PDE1C: variants seen among roughly 807,000 people sequenced by gnomAD.
The protein encoded by PDE1C is dual specificity calcium/calmodulin-dependent 3',5'-cyclic nucleotide phosphodiesterase 1C.
A neutral mutation model predicts 93.1 loss-of-function variants in PDE1C; 62 were observed. The ratio of observed to expected loss-of-function variants is 0.67; its 90% CI spans 0.54 to 0.82. PDE1C has a LOEUF of 0.82. PDE1C is among the 40% of genes least tolerant of loss of function. PDE1C has a pLI of 0.00. For synonymous variants in PDE1C, 325 were observed against 310.1 expected, an observed-to-expected ratio of 1.05 and a Z score of -0.50; for missense variants, 742 against 884.6, an observed-to-expected ratio of 0.84 and a Z score of 2.04.
intron 2 of PDE1C, among the ~76,000 whole-genome samples, chr7:31,985,124 T>C (rs1452970125): frequency 2.0e-5 from 3 of 152,090 alleles, no homozygotes; most frequent in Non-Finnish European, 2.9e-5. Flanking sequence ...GTGCATACCA[T>C]GAAAGGTTTA....
At chr7:32,021,028 G>A (rs1241670936) in intron 2 of PDE1C, among the ~76,000 whole-genome samples, 2 of 152,104 alleles carry the variant, frequency 1.3e-5, no homozygotes, top group African/African-American at 4.8e-5. Flanking sequence ...AGCTACATAA[G>A]TGACTTTTAG....
chr7:32,205,612 C>T (rs1805385714), intron 2 of PDE1C, among the ~76,000 whole-genome samples: 1 of 152,126 alleles, frequency 6.6e-6, no homozygotes, highest in Admixed American at 6.5e-5. Context: ...ACCCCCCAGC[C>T]AACCCGTTTG....
At chr7:31,966,222 T>C (rs1035831049) in intron 2 of PDE1C, among the ~76,000 whole-genome samples, 2 of 152,080 alleles carry the variant, frequency 1.3e-5, no homozygotes, top group African/African-American at 4.8e-5. Flanking sequence ...CCATCTCACG[T>C]GCAGAGACAC....
intron 4 of PDE1C, 121 bp from the exon 5 acceptor site, chr7:31,878,157 A>G: frequency 4.8e-6 from 3 of 621,272 alleles, no homozygotes; most frequent in Non-Finnish European, 8.2e-6. Context: ...CAAAGAACCT[A>G]AAATTCATTT....
At chr7:32,297,263 T>C (rs1266110196) in intron 1 of PDE1C, among the ~76,000 whole-genome samples, 3 of 152,142 alleles carry the variant, frequency 2.0e-5, no homozygotes, top group Non-Finnish European at 4.4e-5. Flanking sequence ...TCTTGGTCTC[T>C]TCTTGGCCCT....
At chr7:32,299,168 G>A (rs1197612664) in exon 1 of PDE1C, 5 of 998,946 alleles carry the variant, frequency 5.0e-6, no homozygotes, top group Non-Finnish European at 6.0e-6. Context: ...TGGTGGCTGG[G>A]GGGATTTGGG....
chr7:31,955,387 G>A (rs1192821116), intron 2 of PDE1C, among the ~76,000 whole-genome samples: 1 of 152,070 alleles, frequency 6.6e-6, no homozygotes. Context: ...AGGGAAATAA[G>A]GTTAAGGTTT....
chr7:32,376,552 C>T (rs1318330901), intron 1 of PDE1C, among the ~76,000 whole-genome samples: 1 of 152,220 alleles, frequency 6.6e-6, no homozygotes, highest in Non-Finnish European at 1.5e-5. Flanking sequence ...ACTCCTCTAC[C>T]TTTTCTCTCC....
chr7:32,106,459 A>T (rs1470703086), intron 3 of PDE1C, among the ~76,000 whole-genome samples: 1 of 152,188 alleles, frequency 6.6e-6, no homozygotes, highest in Non-Finnish European at 1.5e-5. Flanking sequence ...AGAGATAGAG[A>T]GAAGTGGGAA....
intron 2 of PDE1C, among the ~76,000 whole-genome samples, chr7:32,033,029 T>G (rs1157861118): frequency 6.6e-6 from 1 of 151,988 alleles, no homozygotes; most frequent in Non-Finnish European, 1.5e-5. Context: ...ATTCAGAAGG[T>G]GACTTCTCAA....
chr7:32,311,319 AG>A (rs1293261387), intron 1 of PDE1C, among the ~76,000 whole-genome samples: 1 of 152,248 alleles, frequency 6.6e-6, no homozygotes, highest in African/African-American at 2.4e-5. Context: ...GAATTCTACC[AG>A]AGGTACAAGG....
the PDE1C span, among the ~76,000 whole-genome samples, chr7:31,735,500 A>G: frequency 4.6e-5 from 7 of 151,954 alleles, no homozygotes; most frequent in Admixed American, 1.3e-4. Context: ...CAAACCATAC[A>G]GAAGGCATCT....
chr7:32,051,402 C>T, intron 2 of PDE1C, 152 bp downstream of exon 2: 2 of 716,632 alleles, frequency 2.8e-6, no homozygotes, highest in Non-Finnish European at 4.9e-6. Flanking sequence ...TTTTTAATTA[C>T]AGCAGCAGTC....
At chr7:31,897,194 G>A (rs1799423009) in intron 2 of PDE1C, among the ~76,000 whole-genome samples, 1 of 152,192 alleles carries the variant, frequency 6.6e-6, no homozygotes, top group Admixed American at 6.5e-5. Flanking sequence ...GCTCTGGAGT[G>A]CTGTCACAGG....
At chr7:32,054,831 G>GA (rs1793854559) in intron 1 of PDE1C, among the ~76,000 whole-genome samples, 1 of 152,312 alleles carries the variant, frequency 6.6e-6, no homozygotes, top group East Asian at 1.9e-4. Flanking sequence ...AAGCACAAGA[G>GA]AAAATGCAAC....
At chr7:32,112,340 A>G (rs1278104183) in intron 3 of PDE1C, among the ~76,000 whole-genome samples, 2 of 151,868 alleles carry the variant, frequency 1.3e-5, no homozygotes, top group Non-Finnish European at 2.9e-5. Context: ...AAAATTTATT[A>G]TGTGAACGAT....
intron 12 of PDE1C, among the ~76,000 whole-genome samples, chr7:31,826,700 T>C (rs551773961): frequency 4.6e-4 from 70 of 152,282 alleles, no homozygotes; most frequent in African/African-American, 1.6e-3. Context: ...AGTTCTGATA[T>C]TCATCATCTC....
At chr7:32,188,051 T>C (rs1025482282) in intron 2 of PDE1C, among the ~76,000 whole-genome samples, 3 of 152,208 alleles carry the variant, frequency 2.0e-5, no homozygotes, top group African/African-American at 7.2e-5. Context: ...TAGGTATAGA[T>C]TTATTGAATT....
intron 2 of PDE1C, among the ~76,000 whole-genome samples, chr7:32,188,996 G>T (rs1804059950): frequency 6.6e-6 from 1 of 152,164 alleles, no homozygotes. Context: ...AGAGTTAGAA[G>T]CAAGAATGGG....
Sources: gnomAD v4.1 joint callset for allele counts (sites outside exome capture counted in the v4.1 genomes callset) on GRCh38, gnomAD v4.1.1 for gene constraint, MANE v1.5 for transcripts, NCBI Gene and HGNC (gene_info 2026-07-23, HGNC 2026-07-21) for gene names.